Variants in SH3PXD2A observed in about 807,000 individuals in gnomAD.
SH3PXD2A encodes SH3 and PX domains 2A.
In SH3PXD2A, 32 loss-of-function variants were observed where a neutral mutation model predicts 115.2. The observed-to-expected ratio is 0.28, with a 90% CI of 0.21 to 0.37. SH3PXD2A has a LOEUF of 0.37. Among genes scored for constraint, SH3PXD2A ranks in the 10% least tolerant of loss-of-function variants. The pLI, the probability that SH3PXD2A is intolerant of heterozygous loss-of-function variation, is 1.00. For missense variants in SH3PXD2A, 1,328 were observed against 1,498.7 expected, an observed-to-expected ratio of 0.89 and a Z score of 1.88; for synonymous variants, 610 against 629.1, an observed-to-expected ratio of 0.97 and a Z score of 0.45.
chr10:103,714,688 C>A (rs1353034319), intron 5 of SH3PXD2A, among the ~76,000 whole-genome samples: 1 of 152,240 alleles, frequency 6.6e-6, no homozygotes, highest in Non-Finnish European at 1.5e-5. Context: ...TTCCCTCCCT[C>A]AGCCTCCCAC....
intron 6 of SH3PXD2A, among the ~76,000 whole-genome samples, chr10:103,669,710 C>G (rs1212302092): frequency 1.3e-5 from 2 of 152,238 alleles, no homozygotes; most frequent in African/African-American, 4.8e-5. Flanking sequence ...TCCAAAGGAG[C>G]AGAGCACTGG....
intron 3 of SH3PXD2A, among the ~76,000 whole-genome samples, chr10:103,750,408 T>C (rs571064485): frequency 3.9e-4 from 60 of 152,306 alleles, no homozygotes; most frequent in African/African-American, 1.4e-3. Context: ...CCCAGGTAAC[T>C]ACTACAAGGC....
At position 103,603,747 on chromosome 10, in the gene SH3PXD2A, C is replaced by T. The variant is rs1366771506; in HGVS notation, c.1471G>A (p.Gly491Ser). 3.1e-6 allele frequency: 5 copies of T among 1,610,798 alleles called. No individual in the cohort carries two copies. The highest frequency in any genetic ancestry group is 2.2e-5 in the East Asian group (1 of 44,868). ...GCGGGGGCCCAGCCCTCCTTCTCACCGATCTGCACGTACCACCAGCCACCT... is the reference window on the plus strand; with the variant it reads ...GCGGGGGCCCAGCCCTCCTTCTCACTGATCTGCACGTACCACCAGCCACCT... ...NSGGWWYVQI[G>S]EKEGWAPASY... The change falls in exon 15 of 15, where the codon GGT becomes AGT. Residue 491 changes from glycine to serine, a missense_variant. Gly to Ser is a moderately conservative substitution (Grantham distance 56, BLOSUM62 0). Around this residue, in one of 5 missense-constraint regions of SH3PXD2A, gnomAD observed 509 missense variants for 628.3 expected, o/e 0.81. Transcript: ENST00000369774.
In SH3PXD2A at chr10:103,746,606, G is replaced by A. The variant is rs574379147; in HGVS notation, c.230-10798C>T. 6.6e-6 allele frequency among the ~76,000 whole-genome samples: 1 copy of A among 152,168 alleles called. No individual in the cohort carries two copies. Among genetic ancestry groups the A allele is most frequent in the Non-Finnish European group, 1.5e-5 (1 of 68,030 alleles). On this transcript the variant is annotated intron_variant, in intron 3 of 14. Transcript: ENST00000369774. The surrounding 1 kb of genome is among the most constrained non-coding windows in gnomAD (Gnocchi z 4.4). The stretch of plus-strand genomic sequence containing the variant: ...TTACAGACGTGAGCCACTGCGCCTG[G>A]CCTCAGAATAATATTCTCAAACCAT...
rs958832177 is a variant in SH3PXD2A at position 103,597,968 on chromosome 10, C to G, written c.*3848G>C. On this transcript the variant is annotated 3_prime_UTR_variant, in exon 15 of 15. Coordinates refer to ENST00000369774, the MANE Select transcript of SH3PXD2A (RefSeq NM_001394015.1). The stretch of plus-strand genomic sequence containing the variant: ...TAGTCCTACACCTATTCTGCAAACA[C>G]TAGTAATAGGAAAATAATGCCTGAC... 6.6e-6 allele frequency: 1 copy of G among 152,422 alleles called. No homozygotes were observed. Among genetic ancestry groups the G allele is most frequent in the Non-Finnish European group, 1.5e-5 (1 of 68,032 alleles). The allele number at this position is 152,422 out of a possible 1,614,324, so 9.4% of individuals were successfully genotyped here.
chr10:103,825,358 G>T (rs1393436177), intron 1 of SH3PXD2A, among the ~76,000 whole-genome samples: 1 of 152,162 alleles, frequency 6.6e-6, no homozygotes, highest in Non-Finnish European at 1.5e-5. Flanking sequence ...AGGTATAATG[G>T]CTGTTAACAG....
At chr10:103,750,956 G>A (rs979838505) in intron 3 of SH3PXD2A, among the ~76,000 whole-genome samples, 1 of 152,200 alleles carries the variant, frequency 6.6e-6, no homozygotes, top group Non-Finnish European at 1.5e-5. Context: ...GCTAGGCCAC[G>A]CAGAGAGGCT....
At chr10:103,806,664 C>T (rs745659715) in intron 1 of SH3PXD2A, among the ~76,000 whole-genome samples, 14 of 152,292 alleles carry the variant, frequency 9.2e-5, no homozygotes, top group South Asian at 4.1e-4. Flanking sequence ...TGCTTCCAAA[C>T]GCTTTACTTG....
intron 6 of SH3PXD2A, among the ~76,000 whole-genome samples, chr10:103,668,889 C>T (rs1452092884): frequency 2.6e-5 from 4 of 152,244 alleles, no homozygotes; most frequent in Admixed American, 2.0e-4. Context: ...AATGAGGTGT[C>T]CGCCGAAATG....
At chr10:103,833,324 G>A (rs2039500195) in intron 1 of SH3PXD2A, among the ~76,000 whole-genome samples, 1 of 152,234 alleles carries the variant, frequency 6.6e-6, no homozygotes, top group African/African-American at 2.4e-5. Context: ...CTCATTTGAT[G>A]GATTTAGATA....
intron 6 of SH3PXD2A, among the ~76,000 whole-genome samples, chr10:103,685,286 C>T (rs1236160940): frequency 7.4e-6 from 1 of 134,902 alleles, no homozygotes; most frequent in Non-Finnish European, 1.5e-5. Context: ...TTGCAGTGAG[C>T]TGAGATTGTG....
intron 1 of SH3PXD2A, among the ~76,000 whole-genome samples, chr10:103,808,064 T>C (rs2039225245): frequency 6.6e-6 from 1 of 151,890 alleles, no homozygotes; most frequent in Non-Finnish European, 1.5e-5. Flanking sequence ...GAGGCACATA[T>C]ACTCCAAATT....
At chr10:103,741,996 A>C (rs2038448777) in intron 3 of SH3PXD2A, among the ~76,000 whole-genome samples, 1 of 152,132 alleles carries the variant, frequency 6.6e-6, no homozygotes, top group Admixed American at 6.5e-5. Context: ...TGCTATAAAA[A>C]AAATCAGCCG....
intron 5 of SH3PXD2A, among the ~76,000 whole-genome samples, chr10:103,720,393 C>G (rs1396890165): frequency 1.3e-5 from 2 of 152,210 alleles, no homozygotes; most frequent in Non-Finnish European, 2.9e-5. Context: ...TGGCTCTCCG[C>G]CTGCAGAAGC....
intron 2 of SH3PXD2A, among the ~76,000 whole-genome samples, chr10:103,786,288 G>A (rs1206143468): frequency 6.6e-6 from 1 of 152,180 alleles, no homozygotes; most frequent in Non-Finnish European, 1.5e-5. Context: ...AGACTGCCCA[G>A]TCTGAATCCT....
chr10:103,632,381 G>A (rs2036793453), intron 8 of SH3PXD2A, among the ~76,000 whole-genome samples: 1 of 152,198 alleles, frequency 6.6e-6, no homozygotes, highest in African/African-American at 2.4e-5. Flanking sequence ...CCTCAGTGGT[G>A]CACCAGTGAC....
At chr10:103,760,671 G>C (rs564476295) in intron 3 of SH3PXD2A, among the ~76,000 whole-genome samples, 2 of 151,612 alleles carry the variant, frequency 1.3e-5, no homozygotes, top group Admixed American at 1.3e-4. Context: ...TGTAACGAGG[G>C]AAAGATGAAT....
intron 1 of SH3PXD2A, among the ~76,000 whole-genome samples, chr10:103,835,957 C>T (rs965066830): frequency 1.3e-5 from 2 of 152,148 alleles, no homozygotes; most frequent in Non-Finnish European, 2.9e-5. Context: ...CTTCACTGGA[C>T]GAGGAACCAG....
chr10:103,678,165 G>T lies in SH3PXD2A; in HGVS notation c.428-9513C>A, dbSNP rs564241227. 74 of 1,288,576 alleles carry T rather than the reference G, an allele frequency of 5.7e-5. No individual in the cohort carries two copies. The South Asian group carries it at 7.4e-4, about 13-fold the overall frequency. 79.8% of individuals were successfully genotyped at this position (1,288,576 alleles called of 1,614,324 possible). A position where few individuals can be genotyped will look rare whatever the true frequency, so the allele number is the denominator to read the frequency against. Reference sequence around the variant, plus strand: ...AACGACCCGTTCATGTGTAATGTCTGGGGGGAGCAGGGCTTGGTGCAGCCT... The same window carrying T: ...AACGACCCGTTCATGTGTAATGTCTTGGGGGAGCAGGGCTTGGTGCAGCCT... On this transcript the variant is annotated intron_variant, in intron 6 of 14. Transcript: ENST00000369774.
Sources: allele counts gnomAD v4.1 joint callset (sites outside exome capture counted in the v4.1 genomes callset), GRCh38; gene constraint gnomAD v4.1.1; regional missense constraint gnomAD v4.1.1; non-coding constraint Gnocchi (gnomAD v3.1); transcripts MANE v1.5; gene names NCBI Gene and HGNC (gene_info 2026-07-23, HGNC 2026-07-21).